CARD10: variants seen among roughly 807,000 people sequenced by gnomAD.
CARD10 encodes the protein caspase recruitment domain-containing protein 10.
CARD10 carries 49 observed loss-of-function variants against 114.6 expected under a neutral mutation model. The ratio of observed to expected loss-of-function variants is 0.43; its 90% CI spans 0.34 to 0.54. The LOEUF (loss-of-function observed/expected upper bound fraction) is 0.54. Ranked by LOEUF, CARD10 falls within the 20% of genes least tolerant of loss-of-function variation. The pLI, the probability that CARD10 is intolerant of heterozygous loss-of-function variation, is 0.03. For missense variants in CARD10, 1,206 were observed against 1,397.2 expected (o/e 0.86, Z 2.18); for synonymous variants, 602 against 593.2 (o/e 1.01, Z -0.21).
intron 11 of CARD10, among the ~76,000 whole-genome samples, chr22:37,499,103 AATT>A (rs1456934925): frequency 6.6e-6 from 1 of 151,974 alleles, no homozygotes; most frequent in African/African-American, 2.4e-5. Flanking sequence ...AGGTAAATCC[AATT>A]ATTATCTCAT....
At chr22:37,503,320 A>G (rs1214690349) in intron 9 of CARD10, 107 bp from the exon 10 acceptor site, 2 of 1,138,876 alleles carry the variant, frequency 1.8e-6, no homozygotes, top group African/African-American at 1.6e-5. Context: ...ACAGCCCCCA[A>G]GCAAATGCAG....
intron 3 of CARD10, among the ~76,000 whole-genome samples, chr22:37,512,465 CCA>C (rs36080549): frequency 0.12 from 13,160 of 113,226 alleles, 986 homozygotes; most frequent in Middle Eastern, 0.14. Flanking sequence ...AGCCCCCCCT[CCA>C]CACACACACA....
In CARD10 at chr22:37,492,439, C is replaced by T. The variant is rs1376292899; in HGVS notation, c.2747G>A (p.Gly916Glu). ...SRIRAIQESV[G>E]KKHCLLELGA... is the part of the protein sequence containing the mutation. ...AGGCCAGCCCCCAGCACCCACCTTC[C>T]CAACAGACTCCTGGATGGCCCGGAT... The change falls in exon 18 of 20, where the codon GGG becomes GAG. Residue 916 changes from glycine to glutamate, a missense_variant. Physicochemically the swap from Gly to Glu is moderately conservative, Grantham distance 98 (BLOSUM62 -2). Around this residue, in one of 2 missense-constraint regions of CARD10, gnomAD observed 1,068 missense variants for 1,179.1 expected, o/e 0.91. Coordinates refer to ENST00000251973, the MANE Select transcript of CARD10 (RefSeq NM_014550.4). The surrounding 1 kb of genome is among the most constrained non-coding windows in gnomAD (Gnocchi z 5.7). The T allele has an allele frequency of 6.4e-7, 1 of 1,560,726 alleles. No individual in the cohort carries two copies. The highest frequency in any genetic ancestry group is 8.7e-7 in the Non-Finnish European group (1 of 1,152,390).
intron 7 of CARD10, 22 bp from the exon 8 acceptor site, chr22:37,504,791 A>T: frequency 6.7e-7 from 1 of 1,485,230 alleles, no homozygotes; most frequent in Non-Finnish European, 9.0e-7. Context: ...AGAGGAGAGG[A>T]AGGAGGTGAG....
chr22:37,509,252 C>T (rs1226412557), intron 4 of CARD10: 2 of 1,009,530 alleles, frequency 2.0e-6, no homozygotes, highest in East Asian at 5.5e-5. Flanking sequence ...TGACCTGCCG[C>T]AGGACACTAA....
At position 37,510,960 on chromosome 22, in the gene CARD10, T is replaced by C. The variant is rs570152473; in HGVS notation, c.700-539A>G. 2.7e-3 allele frequency among the ~76,000 whole-genome samples: 407 copies of C among 151,990 alleles called. 1 individual carries two copies. Among genetic ancestry groups the C allele is most frequent in the Non-Finnish European group, 3.3e-3 (224 of 68,008 alleles). ...AGCTGGGCGTGGTGGCACATGCCTG[T>C]AGTCCCAGCTACTAGGGAGATTGAG... On this transcript the variant is annotated intron_variant, in intron 3 of 19. Transcript: ENST00000251973.
In CARD10 at chr22:37,509,770, A is replaced by G. The variant is rs371459484; in HGVS notation, c.909+442T>C. Among the ~76,000 whole-genome samples, 135 of 49,048 alleles carry G rather than the reference A, an allele frequency of 2.8e-3. 7 individuals are homozygous for G. The East Asian group carries it at 0.035, about 13-fold the overall frequency. The allele number at this position is 49,048 out of a possible 152,430, so 32.2% of individuals were successfully genotyped here. On this transcript the variant is annotated intron_variant, in intron 4 of 19. Transcript: ENST00000251973. Reference sequence around the variant, plus strand: ...GTCCTTCTGACCTCCCCCGACCCCCATGCCCATGGGCCCCAGCCCTGGTAC... The same window carrying G: ...GTCCTTCTGACCTCCCCCGACCCCCGTGCCCATGGGCCCCAGCCCTGGTAC...
In CARD10 at chr22:37,503,167, G is replaced by C; in HGVS notation, c.1663+18C>G. On this transcript the variant is annotated intron_variant, in intron 10 of 19. Transcript: ENST00000251973. ...CCCGACCAGAGGAGCCCTCCCCACG[G>C]AACTCAAGGGCTGTTACCTGTGATG... is the stretch of plus-strand genomic sequence containing the variant. 6.2e-7 allele frequency: 1 copy of C among 1,610,202 alleles called. No individual in the cohort carries two copies. The highest frequency in any genetic ancestry group is 8.5e-7 in the Non-Finnish European group (1 of 1,178,438).
chr22:37,503,182 T>C lies in CARD10; in HGVS notation c.1663+3A>G. Reference sequence around the variant, plus strand: ...CCTCCCCACGGAACTCAAGGGCTGTTACCTGTGATGTCTGACATGCTGCTG... The same window carrying C: ...CCTCCCCACGGAACTCAAGGGCTGTCACCTGTGATGTCTGACATGCTGCTG... On this transcript the variant is annotated splice_donor_region_variant and intron_variant, in intron 10 of 19. Coordinates refer to ENST00000251973, the MANE Select transcript of CARD10 (RefSeq NM_014550.4). The C allele has an allele frequency of 6.2e-7, 1 of 1,610,944 alleles. No homozygotes were observed. Among genetic ancestry groups the C allele is most frequent in the Non-Finnish European group, 8.5e-7 (1 of 1,178,818 alleles).
chr22:37,508,504 G>A (rs1208244873), intron 5 of CARD10, 23 bp downstream of exon 5: 1 of 1,570,668 alleles, frequency 6.4e-7, no homozygotes, highest in Non-Finnish European at 8.6e-7. Context: ...CGCACAAGGG[G>A]CAGGGCACGG....
chr22:37,506,284 C>T lies in CARD10; in HGVS notation c.1291G>A (p.Asp431Asn), dbSNP rs367669690. The T allele has an allele frequency of 5.5e-5, 89 of 1,610,174 alleles. No individual in the cohort carries two copies. The highest frequency in any genetic ancestry group is 7.0e-5 in the Non-Finnish European group (83 of 1,178,376). Residue 431 changes from aspartate (D) to asparagine (N), a missense_variant, in exon 7 of 20, where the codon GAT becomes AAT. By Grantham distance (23) the Asp-to-Asn change is conservative (BLOSUM62 1). This residue lies in a region of CARD10 where 1,068 missense variants were observed against 1,179.1 expected (regional missense o/e 0.91). Transcript: ENST00000251973. ...CTGGTGAGCGTTGTCAGCAGCTCAT[C>T]CCGCTCCGCCTCCAGGCCCCGCACC... ...KQVRGLEAER[D>N]ELLTTLTSLE...
intron 3 of CARD10, among the ~76,000 whole-genome samples, chr22:37,511,476 C>T (rs1236496438): frequency 4.3e-5 from 5 of 117,360 alleles, no homozygotes; most frequent in African/African-American, 1.0e-4. Flanking sequence ...AAGGAGGAGG[C>T]GGGAGGAGGG....
intron 10 of CARD10, 43 bp from the exon 11 acceptor site, chr22:37,502,768 CAG>C (rs1569164424): frequency 6.3e-7 from 1 of 1,592,730 alleles, no homozygotes; most frequent in East Asian, 2.2e-5. Flanking sequence ...CACTGGGAAA[CAG>C]GGATGGCCAG....
Position 37,500,933 on chromosome 22 carries a change from T to C in CARD10, c.1787+1669A>G, listed in dbSNP as rs1923190293. On this transcript the variant is annotated intron_variant, in intron 11 of 19. Transcript: ENST00000251973. ...GTGACCCTAAGGGACAGGCACTATG[T>C]GAGCCCATTTTACAGAGCAGGAAAC... Among the ~76,000 whole-genome samples, 3 of 151,978 alleles carry C rather than the reference T, an allele frequency of 2.0e-5. No homozygotes were observed. The South Asian group carries it at 6.2e-4, about 32-fold the overall frequency.
At position 37,510,260 on chromosome 22, in the gene CARD10, G is replaced by A; in HGVS notation, c.861C>T (p.Asn287=). 6.2e-7 allele frequency: 1 copy of A among 1,604,166 alleles called. No individual in the cohort carries two copies. Among genetic ancestry groups the A allele is most frequent in the Admixed American group, 1.7e-5 (1 of 59,994 alleles). The change falls in exon 4 of 20, where the codon AAC becomes AAT. Residue 287 remains asparagine, a synonymous_variant. Coordinates refer to ENST00000251973, the MANE Select transcript of CARD10 (RefSeq NM_014550.4). ...VDLVSELRAE[N]QRLTASLREL... is the part of the protein sequence containing the mutation. ...CCCGCAGTGACGCCGTCAGCCGCTGGTTCTCAGCACGCAGCTCAGAGACAA... is the reference window on the plus strand; with the variant it reads ...CCCGCAGTGACGCCGTCAGCCGCTGATTCTCAGCACGCAGCTCAGAGACAA...
At position 37,518,084 on chromosome 22, in the gene CARD10, C is replaced by T; in HGVS notation, c.260G>A (p.Cys87Tyr). ...GGCCTCATAGCCCCTCTTGCCACGGCAGCGCAAGATGTCCATCAGGCGCCC... is the reference window on the plus strand; with the variant it reads ...GGCCTCATAGCCCCTCTTGCCACGGTAGCGCAAGATGTCCATCAGGCGCCC... ...RTGRLMDILR[C>Y]RGKRGYEAFL... Residue 87 changes from cysteine (C) to tyrosine (Y), a missense_variant, in exon 2 of 20, where the codon TGC becomes TAC. Around this residue, in one of 2 missense-constraint regions of CARD10, gnomAD observed 138 missense variants for 218.0 expected, o/e 0.63. Transcript: ENST00000251973. 1 of 1,613,938 alleles carries T rather than the reference C, an allele frequency of 6.2e-7. No individual in the cohort carries two copies. Among genetic ancestry groups the T allele is most frequent in the African/African-American group, 1.3e-5 (1 of 75,032 alleles).
chr22:37,494,636 C>A (rs181811697), intron 15 of CARD10: 132 of 191,610 alleles, frequency 6.9e-4, no homozygotes, highest in African/African-American at 2.9e-3. Flanking sequence ...GTCTCAAATG[C>A]CTACAACATG....
At chr22:37,499,886 G>C (rs370171877) in intron 11 of CARD10, among the ~76,000 whole-genome samples, 1 of 152,046 alleles carries the variant, frequency 6.6e-6, no homozygotes, top group Non-Finnish European at 1.5e-5. Flanking sequence ...CCTGGGACTG[G>C]CTGACCAGCT....
intron 3 of CARD10, among the ~76,000 whole-genome samples, chr22:37,511,143 G>T (rs113035574): frequency 1.7e-4 from 26 of 150,244 alleles, no homozygotes; most frequent in African/African-American, 6.4e-4. Flanking sequence ...AGGCCGAGGC[G>T]GGCAGATGGA....
Sources: gnomAD v4.1 joint callset for allele counts (sites outside exome capture counted in the v4.1 genomes callset) on GRCh38, gnomAD v4.1.1 for gene constraint, gnomAD v4.1.1 regional missense constraint, Gnocchi (gnomAD v3.1) non-coding constraint, MANE v1.5 for transcripts, NCBI Gene and HGNC (gene_info 2026-07-23, HGNC 2026-07-21) for gene names.